FERRY3: variants seen among roughly 807,000 people sequenced by gnomAD.
FERRY3 encodes the protein FERRY endosomal RAB5 effector complex subunit 3.
At chr12:4,502,165 C>T in the FERRY3 span, 1 of 289,988 alleles carries the variant, frequency 3.4e-6, no homozygotes, top group African/African-American at 2.3e-5. This position sits in a 1 kb window ranked among gnomAD's most constrained non-coding sequence, Gnocchi z 4.2. Flanking sequence ...CCACCCTTTA[C>T]TCTTTCACCT....
At chr12:4,501,933 C>T in the FERRY3 span, among the ~76,000 whole-genome samples, 1 of 152,118 alleles carries the variant, frequency 6.6e-6, no homozygotes, top group Non-Finnish European at 1.5e-5. Flanking sequence ...CTGCGTCTCT[C>T]TCCAACATCA....
chr12:4,507,305 T>C, the FERRY3 span, among the ~76,000 whole-genome samples: 1 of 152,138 alleles, frequency 6.6e-6, no homozygotes, highest in Non-Finnish European at 1.5e-5. Context: ...TAATAACAAT[T>C]GGTAGAAGAA....
chr12:4,532,217 C>T, the FERRY3 span, among the ~76,000 whole-genome samples: 2 of 151,732 alleles, frequency 1.3e-5, no homozygotes, highest in Non-Finnish European at 2.9e-5. Flanking sequence ...GTCCAGGCCA[C>T]GTAGCCCTCC....
chr12:4,489,812 G>C, the FERRY3 span: 1 of 1,597,602 alleles, frequency 6.3e-7, no homozygotes, highest in East Asian at 2.2e-5. Context: ...AGGGTTTAGT[G>C]CTTGGATGTC....
the FERRY3 span, among the ~76,000 whole-genome samples, chr12:4,528,900 CACACA>C: frequency 5.3e-4 from 49 of 91,942 alleles, no homozygotes; most frequent in African/African-American, 1.6e-3. Flanking sequence ...ATCAGTTACA[CACACA>C]CACACACACA....
chr12:4,517,937 G>T, the FERRY3 span: 1 of 728,066 alleles, frequency 1.4e-6, no homozygotes, highest in Non-Finnish European at 2.2e-6. Flanking sequence ...ATGTTTGTTT[G>T]GTCTACTTGG....
At chr12:4,527,912 GA>G in the FERRY3 span, among the ~76,000 whole-genome samples, 35 of 147,246 alleles carry the variant, frequency 2.4e-4, no homozygotes, top group African/African-American at 7.0e-4. Context: ...ACTATTCCAT[GA>G]AAAAAAAAAG....
the FERRY3 span, among the ~76,000 whole-genome samples, chr12:4,536,507 A>G: frequency 2.0e-5 from 3 of 152,152 alleles, no homozygotes; most frequent in African/African-American, 7.2e-5. Flanking sequence ...GGGAAGGACC[A>G]TGGAGAGAAG....
chr12:4,489,833 T>C, the FERRY3 span: 6 of 1,610,068 alleles, frequency 3.7e-6, no homozygotes, highest in Admixed American at 6.7e-5. Flanking sequence ...AGAGTGAGTG[T>C]TGATGATACT....
At chr12:4,505,608 G>C in the FERRY3 span, among the ~76,000 whole-genome samples, 1 of 152,156 alleles carries the variant, frequency 6.6e-6, no homozygotes, top group Non-Finnish European at 1.5e-5. Flanking sequence ...TTATGTATGA[G>C]GAGACAGAGG....
At chr12:4,534,291 CTTCTT>C in the FERRY3 span, 1 of 1,608,410 alleles carries the variant, frequency 6.2e-7, no homozygotes, top group Non-Finnish European at 8.5e-7. Flanking sequence ...TGAGTCAGAG[CTTCTT>C]TTAAGTCTGT....
At chr12:4,533,078 C>A in the FERRY3 span, among the ~76,000 whole-genome samples, 1 of 152,192 alleles carries the variant, frequency 6.6e-6, no homozygotes, top group Non-Finnish European at 1.5e-5. Context: ...AAACAAATAA[C>A]CTGTCTTTCC....
chr12:4,511,691 C>T, the FERRY3 span, among the ~76,000 whole-genome samples: 175 of 149,766 alleles, frequency 1.2e-3, no homozygotes, highest in Middle Eastern at 0.01. Flanking sequence ...TTGAAACCAA[C>T]GAGAACAAAG....
the FERRY3 span, among the ~76,000 whole-genome samples, chr12:4,501,967 C>T: frequency 6.6e-6 from 1 of 152,262 alleles, no homozygotes; most frequent in African/African-American, 2.4e-5. Context: ...TTTCCTCACT[C>T]CAGTTACATA....
the FERRY3 span, chr12:4,505,501 C>G: frequency 3.0e-6 from 2 of 670,548 alleles, no homozygotes; most frequent in Non-Finnish European, 5.2e-6. Context: ...ATGTGCCAGG[C>G]ATTCTGCTAT....
At chr12:4,531,371 G>T in the FERRY3 span, among the ~76,000 whole-genome samples, 4 of 152,312 alleles carry the variant, frequency 2.6e-5, no homozygotes, top group South Asian at 4.1e-4. Flanking sequence ...AGACTGTAGG[G>T]ATGTGCTTGG....
the FERRY3 span, chr12:4,534,184 C>T: frequency 5.6e-6 from 9 of 1,610,162 alleles, no homozygotes; most frequent in Middle Eastern, 1.7e-4. Flanking sequence ...CCCATGTACT[C>T]GCCAGCTGAT....
chr12:4,497,359 G>A, the FERRY3 span, among the ~76,000 whole-genome samples: 2 of 152,106 alleles, frequency 1.3e-5, no homozygotes, highest in East Asian at 3.8e-4. Context: ...GAGGGAGTGT[G>A]GTTTAACTGA....
chr12:4,490,498 G>C, the FERRY3 span: 20 of 1,543,998 alleles, frequency 1.3e-5, no homozygotes, highest in Non-Finnish European at 1.8e-5. Context: ...TTAAATTGGG[G>C]TGAGATCTAT....
Sources: gnomAD v4.1 joint callset for allele counts (sites outside exome capture counted in the v4.1 genomes callset) on GRCh38, gnomAD v4.1.1 for gene constraint, Gnocchi (gnomAD v3.1) non-coding constraint, MANE v1.5 for transcripts, NCBI Gene and HGNC (gene_info 2026-07-23, HGNC 2026-07-21) for gene names.